ZNF804A: variants seen among roughly 807,000 people sequenced by gnomAD.
ZNF804A encodes the protein zinc finger protein 804A.
A neutral mutation model predicts 16.5 loss-of-function variants in ZNF804A; 2 were observed. The ratio of observed to expected loss-of-function variants is 0.12; its 90% confidence interval spans 0.05 to 0.38. ZNF804A has a LOEUF of 0.38. Ranked by LOEUF, ZNF804A falls within the 10% of genes least tolerant of loss-of-function variation. The pLI, the probability that ZNF804A is intolerant of heterozygous loss-of-function variation, is 0.99. For missense variants in ZNF804A, 1,473 were observed against 1,390.7 expected, an observed-to-expected ratio of 1.06 and a Z score of -0.94; for synonymous variants, 534 against 489.6, an observed-to-expected ratio of 1.09 and a Z score of -1.20.
intron 1 of ZNF804A, among the ~76,000 whole-genome samples, chr2:184,649,831 C>CAAAAAAAAAAAA (rs57435962): frequency 7.7e-6 from 1 of 130,614 alleles, no homozygotes; most frequent in Non-Finnish European, 1.6e-5. Flanking sequence ...ACAAATCAAC[C>CAAAAAAAAAAAA]AAAAAAAAAA....
At chr2:184,847,616 G>A (rs139060814) in intron 1 of ZNF804A, among the ~76,000 whole-genome samples, 213 of 152,136 alleles carry the variant, frequency 1.4e-3, no homozygotes, top group African/African-American at 4.9e-3. Context: ...CACCACATAC[G>A]TGGGTATTTT....
At chr2:184,652,030 T>A (rs1461852165) in intron 1 of ZNF804A, among the ~76,000 whole-genome samples, 2 of 152,108 alleles carry the variant, frequency 1.3e-5, no homozygotes, top group African/African-American at 4.8e-5. Flanking sequence ...AGATATGCAA[T>A]CAACATTGGT....
intron 1 of ZNF804A, among the ~76,000 whole-genome samples, chr2:184,709,564 C>G (rs1693089814): frequency 6.6e-6 from 1 of 151,602 alleles, no homozygotes; most frequent in Non-Finnish European, 1.5e-5. Flanking sequence ...AAAAGTGGTA[C>G]AGTTTGCACA....
Position 184,938,507 on chromosome 2 carries a change from A to G in ZNF804A, c.3111A>G (p.Pro1037=). ...TACCAGAGCAAGCATTATTGATCCCACTAGAAAACCATGACAAATTCAAAA... is the reference window on the plus strand; with the variant it reads ...TACCAGAGCAAGCATTATTGATCCCGCTAGAAAACCATGACAAATTCAAAA... ...LALPEQALLI[P]LENHDKFKNV... The change falls in exon 4 of 4, where the codon CCA becomes CCG. Residue 1037 remains proline (P), a synonymous_variant. Transcript: ENST00000302277. 1 of 1,614,092 alleles carries G rather than the reference A, an allele frequency of 6.2e-7. No individual in the cohort carries two copies. Among genetic ancestry groups the G allele is most frequent in the Non-Finnish European group, 8.5e-7 (1 of 1,179,990 alleles).
chr2:184,753,943 A>G (rs1443458993), intron 1 of ZNF804A, among the ~76,000 whole-genome samples: 1 of 151,934 alleles, frequency 6.6e-6, no homozygotes, highest in Non-Finnish European at 1.5e-5. Context: ...TACTTATTTT[A>G]GTATAAACAT....
At position 184,786,417 on chromosome 2, in the gene ZNF804A, C is replaced by T. The variant is rs553456919; in HGVS notation, c.112-79952C>T. 6.6e-5 allele frequency among the ~76,000 whole-genome samples: 10 copies of T among 152,118 alleles called. No homozygotes were observed. The South Asian group carries it at 8.3e-4, about 13-fold the overall frequency. ...GTGAAAACTGGAAACTCACTTTGGA[C>T]TAGTCATTTTGAATGTATGCTTAAC... On this transcript the variant is annotated intron_variant, in intron 1 of 3. Transcript: ENST00000302277.
chr2:184,611,332 T>C (rs1450579803), intron 1 of ZNF804A, among the ~76,000 whole-genome samples: 6 of 152,134 alleles, frequency 3.9e-5, no homozygotes, highest in Non-Finnish European at 7.3e-5. Context: ...CCGTGGCATT[T>C]CTTACATGTT....
chr2:184,805,143 C>A (rs1694783121), intron 1 of ZNF804A, among the ~76,000 whole-genome samples: 1 of 152,072 alleles, frequency 6.6e-6, no homozygotes, highest in Non-Finnish European at 1.5e-5. Context: ...AGCTTAAGTT[C>A]CTTGAATTAC....
chr2:184,839,745 A>G (rs994756648), intron 1 of ZNF804A, among the ~76,000 whole-genome samples: 1 of 152,190 alleles, frequency 6.6e-6, no homozygotes, highest in African/African-American at 2.4e-5. Context: ...TTTACTACAT[A>G]TAAATAATTC....
intron 1 of ZNF804A, among the ~76,000 whole-genome samples, chr2:184,845,682 C>A (rs1695500814): frequency 6.6e-6 from 1 of 152,102 alleles, no homozygotes; most frequent in Non-Finnish European, 1.5e-5. Flanking sequence ...AGTTACTACT[C>A]CCATTCACAT....
chr2:184,736,631 A>C (rs537437182), intron 1 of ZNF804A, among the ~76,000 whole-genome samples: 1 of 152,252 alleles, frequency 6.6e-6, no homozygotes, highest in Non-Finnish European at 1.5e-5. Flanking sequence ...CAATAGATGC[A>C]GCAAACCACC....
At chr2:184,804,680 G>A (rs1397027170) in intron 1 of ZNF804A, among the ~76,000 whole-genome samples, 1 of 152,178 alleles carries the variant, frequency 6.6e-6, no homozygotes, top group South Asian at 2.1e-4. Flanking sequence ...TTATGAAAAT[G>A]TGTGGTAGGA....
At chr2:184,676,244 T>A (rs1692430783) in intron 1 of ZNF804A, among the ~76,000 whole-genome samples, 1 of 151,716 alleles carries the variant, frequency 6.6e-6, no homozygotes, top group Non-Finnish European at 1.5e-5. Flanking sequence ...TATTAAATAT[T>A]CTACAGTGAA....
At chr2:184,633,580 T>C (rs578015103) in intron 1 of ZNF804A, among the ~76,000 whole-genome samples, 14 of 152,280 alleles carry the variant, frequency 9.2e-5, no homozygotes, top group Admixed American at 7.2e-4. Flanking sequence ...CTTCAAATTA[T>C]AAGGTTTTTA....
At chr2:184,848,194 C>T (rs192740563) in intron 1 of ZNF804A, among the ~76,000 whole-genome samples, 1 of 152,008 alleles carries the variant, frequency 6.6e-6, no homozygotes, top group African/African-American at 2.4e-5. Context: ...CAGGAGCACC[C>T]AGCCACCAAT....
chr2:184,910,094 A>G (rs750877023), intron 2 of ZNF804A, among the ~76,000 whole-genome samples: 1 of 152,022 alleles, frequency 6.6e-6, no homozygotes, highest in Non-Finnish European at 1.5e-5. Flanking sequence ...TTACCCAGGT[A>G]GTGAACATAG....
intron 1 of ZNF804A, among the ~76,000 whole-genome samples, chr2:184,823,167 ACT>A (rs1695108158): frequency 6.6e-6 from 1 of 151,856 alleles, no homozygotes; most frequent in African/African-American, 2.4e-5. Flanking sequence ...CACCTTGAAC[ACT>A]CTGTCCTCTG....
At chr2:184,837,790 C>T (rs1695376445) in intron 1 of ZNF804A, among the ~76,000 whole-genome samples, 1 of 152,102 alleles carries the variant, frequency 6.6e-6, no homozygotes, top group Non-Finnish European at 1.5e-5. Context: ...GCATATTCTA[C>T]AAGATATACA....
chr2:184,873,102 A>T (rs1695999559), intron 2 of ZNF804A, among the ~76,000 whole-genome samples: 2 of 152,206 alleles, frequency 1.3e-5, no homozygotes, highest in Admixed American at 6.5e-5. Flanking sequence ...TCAGATGAAG[A>T]GTTTAAAATT....
Sources: allele counts gnomAD v4.1 joint callset (sites outside exome capture counted in the v4.1 genomes callset), GRCh38; gene constraint gnomAD v4.1.1; transcripts MANE v1.5; gene names NCBI Gene and HGNC (gene_info 2026-07-23, HGNC 2026-07-21).